NME7: variants seen among roughly 807,000 people sequenced by gnomAD.
NME7 encodes nucleoside diphosphate kinase 7.
A neutral mutation model predicts 49.1 loss-of-function variants in NME7; 41 were observed. The observed-to-expected ratio is 0.83, with a 90% confidence interval of 0.65 to 1.08. NME7 has a LOEUF of 1.08. NME7 is among the 50% of genes least tolerant of loss of function. The probability of loss-of-function intolerance (pLI) is 0.00; values close to 1 mark genes in which losing one functional copy is unlikely to be tolerated. For synonymous variants in NME7, 139 were observed against 150.6 expected (o/e 0.92, Z 0.56); for missense variants, 423 against 463.4 (o/e 0.91, Z 0.80).
intron 6 of NME7, among the ~76,000 whole-genome samples, chr1:169,294,463 C>G (rs1419437479): frequency 6.6e-6 from 1 of 152,030 alleles, no homozygotes; most frequent in Non-Finnish European, 1.5e-5. Context: ...TTGGTAAAAT[C>G]TGGAAAGATG....
rs1660476888 is a variant in NME7 at position 169,199,326 on chromosome 1, T to C, written c.991-29772A>G. ...TAATTCCATGAGGTAGATATCATTA[T>C]TATTACAATTTTACAAATGAAGAAA... On this transcript the variant is annotated intron_variant, in intron 10 of 11. Transcript: ENST00000367811. 4.6e-5 allele frequency among the ~76,000 whole-genome samples: 7 copies of C among 151,826 alleles called. No individual in the cohort carries two copies. The South Asian group carries it at 1.2e-3, about 27-fold the overall frequency.
At chr1:169,343,804 T>C (rs563389839) in intron 1 of NME7, among the ~76,000 whole-genome samples, 1 of 152,310 alleles carries the variant, frequency 6.6e-6, no homozygotes, top group African/African-American at 2.4e-5. Flanking sequence ...CCACATTGAA[T>C]TGATTACTGT....
intron 7 of NME7, among the ~76,000 whole-genome samples, chr1:169,278,386 C>T (rs1398373837): frequency 1.3e-5 from 2 of 152,142 alleles, no homozygotes; most frequent in Admixed American, 6.6e-5. Flanking sequence ...TTGTTTGTTT[C>T]TTTTTATTCT....
At chr1:169,293,921 G>T (rs1299399806) in intron 6 of NME7, among the ~76,000 whole-genome samples, 1 of 151,516 alleles carries the variant, frequency 6.6e-6, no homozygotes, top group Non-Finnish European at 1.5e-5. Flanking sequence ...TTTATTCTAG[G>T]TGTCATAGAC....
chr1:169,326,045 A>G (rs1311848722), intron 1 of NME7, among the ~76,000 whole-genome samples: 2 of 152,046 alleles, frequency 1.3e-5, no homozygotes, highest in Non-Finnish European at 2.9e-5. Flanking sequence ...CCATAATAAA[A>G]TATTTATTTA....
At chr1:169,147,048 C>T (rs1658776622) in intron 11 of NME7, among the ~76,000 whole-genome samples, 1 of 152,190 alleles carries the variant, frequency 6.6e-6, no homozygotes, top group East Asian at 1.9e-4. Context: ...ATTCCAGGGG[C>T]ACGTGACCTT....
chr1:169,301,338 A>C (rs938741980), intron 5 of NME7, among the ~76,000 whole-genome samples: 1 of 152,142 alleles, frequency 6.6e-6, no homozygotes, highest in Non-Finnish European at 1.5e-5. Context: ...AATATCACTA[A>C]TCATCGGAGA....
chr1:169,231,733 G>A (rs1398761036), intron 9 of NME7, among the ~76,000 whole-genome samples: 1 of 151,534 alleles, frequency 6.6e-6, no homozygotes, highest in Non-Finnish European at 1.5e-5. Flanking sequence ...GGAGCATCAA[G>A]GAGAGTCCTC....
chr1:169,238,357 A>T (rs1647943797), intron 7 of NME7, among the ~76,000 whole-genome samples: 1 of 151,956 alleles, frequency 6.6e-6, no homozygotes, highest in African/African-American at 2.4e-5. Context: ...TCTATATTGG[A>T]GTCTATAGTC....
rs34930817 is a variant in NME7, at chr1:169,336,618, G to T, written c.4-12118C>A. 0.052 allele frequency among the ~76,000 whole-genome samples: 7,950 copies of T among 151,720 alleles called. 1,121 individuals are homozygous for T. The East Asian group carries it at 0.63, about 12-fold the overall frequency. ...TGAGCTAAACACAGGGTGCTGATTG[G>T]TGTGTTTACAAACCTTGAGCTAGAT... On this transcript the variant is annotated intron_variant, in intron 1 of 11. Coordinates refer to ENST00000367811, the MANE Select transcript of NME7 (RefSeq NM_013330.5).
At chr1:169,326,952 A>T in intron 1 of NME7, among the ~76,000 whole-genome samples, 1 of 152,238 alleles carries the variant, frequency 6.6e-6, no homozygotes, top group East Asian at 1.9e-4. Flanking sequence ...TTCCTTCCTC[A>T]AATGCTATTA....
At chr1:169,291,647 A>G (rs1650507659) in intron 6 of NME7, among the ~76,000 whole-genome samples, 1 of 63,758 alleles carries the variant, frequency 1.6e-5, no homozygotes, top group African/African-American at 5.0e-5. Flanking sequence ...AACTTAAAGT[A>G]TAATAATAAT....
chr1:169,227,986 AAT>A (rs35983758), intron 10 of NME7, among the ~76,000 whole-genome samples: 10,557 of 150,684 alleles, frequency 0.07, 1,467 homozygotes, highest in East Asian at 0.66. Flanking sequence ...TTTATTACAT[AAT>A]ATATATATAT....
At chr1:169,214,724 C>T (rs147936988) in intron 10 of NME7, among the ~76,000 whole-genome samples, 52 of 152,312 alleles carry the variant, frequency 3.4e-4, no homozygotes, top group African/African-American at 1.2e-3. Context: ...ATGCTCAATG[C>T]CTTGTGGGAG....
At chr1:169,206,954 CTTTT>C in intron 10 of NME7, among the ~76,000 whole-genome samples, 1 of 152,174 alleles carries the variant, frequency 6.6e-6, no homozygotes, top group Middle Eastern at 3.4e-3. Context: ...AAACACGATT[CTTTT>C]TTTCTCATCC....
chr1:169,333,251 A>G (rs148978262), intron 1 of NME7, among the ~76,000 whole-genome samples: 1 of 152,136 alleles, frequency 6.6e-6, no homozygotes, highest in African/African-American at 2.4e-5. Context: ...GGTTCTAAAA[A>G]ATGAAAAAAA....
At chr1:169,336,248 C>T (rs1652467044) in intron 1 of NME7, among the ~76,000 whole-genome samples, 1 of 152,036 alleles carries the variant, frequency 6.6e-6, no homozygotes, top group Admixed American at 6.6e-5. Context: ...TGTTACAGCT[C>T]ATAAAAGCAG....
At chr1:169,320,323 T>C (rs1207181840) in intron 3 of NME7, among the ~76,000 whole-genome samples, 1 of 152,192 alleles carries the variant, frequency 6.6e-6, no homozygotes, top group Non-Finnish European at 1.5e-5. Context: ...CAAAGGGAAT[T>C]GGAAAGCTGA....
chr1:169,331,459 G>C (rs958753624), intron 1 of NME7, among the ~76,000 whole-genome samples: 3 of 152,104 alleles, frequency 2.0e-5, no homozygotes, highest in African/African-American at 7.2e-5. Flanking sequence ...CATAATAATG[G>C]AAGTCCTAGC....
Sources: allele counts gnomAD v4.1 joint callset (sites outside exome capture counted in the v4.1 genomes callset), GRCh38; gene constraint gnomAD v4.1.1; transcripts MANE v1.5; gene names NCBI Gene and HGNC (gene_info 2026-07-23, HGNC 2026-07-21).